TAAR9: variants seen among roughly 807,000 people sequenced by gnomAD.
TAAR9 encodes the protein trace amine associated receptor 9, also known as trace amine-associated receptor 9.
For synonymous variants in TAAR9, 162 were observed against 152.6 expected (o/e 1.06, Z -0.45); for missense variants, 453 against 409.4 (o/e 1.11, Z -0.92).
At position 132,538,960 on chromosome 6, in the gene TAAR9, C is replaced by T. The variant is rs558339339; in HGVS notation, c.671C>T (p.Ala224Val). The T allele has an allele frequency of 1.3e-5, 20 of 1,549,718 alleles. No homozygotes were observed. In the African/African-American group the frequency reaches 2.1e-4, roughly 16 times the overall value. Reference sequence around the variant, plus strand: ...ATATACAGTAAGATATTTTTGGTGGCCAAGCATCAGGCTAGGAAGATAGAA... The same window carrying T: ...ATATACAGTAAGATATTTTTGGTGGTCAAGCATCAGGCTAGGAAGATAGAA... The change falls in exon 1 of 1, where the codon GCC becomes GTC. Residue 224 changes from alanine (A) to valine (V), a missense_variant. Transcript: ENST00000434551.
At chr6:132,538,706 C>A (rs771182878) in exon 1 of TAAR9, 2 of 1,613,666 alleles carry the variant, frequency 1.2e-6, no homozygotes, top group Non-Finnish European at 1.7e-6. Flanking sequence ...ATCCTCTGAC[C>A]TATCCAACCA....
chr6:132,538,495 T>C, exon 1 of TAAR9: 1 of 1,613,174 alleles, frequency 6.2e-7, no homozygotes, highest in South Asian at 1.1e-5. Context: ...CCTACAAACT[T>C]TCTGATTGCG....
At chr6:132,538,557 A>G (rs767311404) in exon 1 of TAAR9, 1 of 1,604,522 alleles carries the variant, frequency 6.2e-7, no homozygotes, top group African/African-American at 1.3e-5. Flanking sequence ...GCCCTTCAGC[A>G]CAGTGAGGTC....
In TAAR9 at chr6:132,538,678, G is replaced by A. The variant is rs182775189; in HGVS notation, c.389G>A (p.Arg130Lys). ...CATTTATGCTGTATCTCTGTTGATA[G>A]ATACATTGCTGTTACTGATCCTCTG... Residue 130 changes from arginine to lysine, a missense_variant, in exon 1 of 1, where the codon AGA becomes AAA. Coordinates refer to ENST00000434551, the Ensembl canonical transcript of TAAR9. The A allele has an allele frequency of 1.9e-6, 3 of 1,611,802 alleles. No homozygotes were observed. In the Admixed American group the frequency reaches 5.0e-5, roughly 27 times the overall value.
Position 132,538,555 on chromosome 6 carries a change from GC to G in TAAR9, c.267del (p.Ser89ArgfsTer3). ...GTGGGAGTCACTGTGATGCCCTTCA[GC>G]ACAGTGAGGTCTGTGGAGAGCTGTT... On this transcript the variant is annotated frameshift_variant, in exon 1 of 1. Coordinates refer to ENST00000434551, the Ensembl canonical transcript of TAAR9. LOFTEE classifies it low-confidence loss of function (END_TRUNC). 1 of 1,603,006 alleles carries G rather than the reference GC, an allele frequency of 6.2e-7. No homozygotes were observed.
chr6:132,538,827 T>A (rs1776256179), exon 1 of TAAR9: 10 of 1,613,782 alleles, frequency 6.2e-6, no homozygotes, highest in Non-Finnish European at 8.5e-6. Flanking sequence ...AATTGAGGAA[T>A]TAGTAGTTGC....
chr6:132,538,899 C>T (rs1776257243), exon 1 of TAAR9: 1 of 1,605,880 alleles, frequency 6.2e-7, no homozygotes. Flanking sequence ...ACTTTGTTTT[C>T]TTCTATTCTT....
At chr6:132,538,850 A>G (rs1251981012) in exon 1 of TAAR9, 1 of 1,613,570 alleles carries the variant, frequency 6.2e-7, no homozygotes, top group African/African-American at 1.3e-5. Flanking sequence ...TAACCTGTGT[A>G]GGAGGCTGCC....
At chr6:132,538,522 A>G (rs1055243402) in exon 1 of TAAR9, 12 of 1,608,926 alleles carry the variant, frequency 7.5e-6, no homozygotes, top group Middle Eastern at 1.7e-4. Flanking sequence ...GCCTGTGCTG[A>G]CTTCTTGGTG....
exon 1 of TAAR9, chr6:132,538,346 C>T (rs1317688216): frequency 1.9e-6 from 3 of 1,613,226 alleles, no homozygotes; most frequent in Non-Finnish European, 2.5e-6. Context: ...AGAACGTGAA[C>T]GAATCCTGCA....
rs1776257680 is a variant in TAAR9, at chr6:132,538,924, C to T, written c.635C>T (p.Ala212Val). The T allele has an allele frequency of 4.4e-6, 7 of 1,589,488 alleles. No individual in the cohort carries two copies. The East Asian group carries it at 1.6e-4, about 35-fold the overall frequency. ...CTTCTATTCTTTATACCCAATGTCG[C>T]CATGGTGTTTATATACAGTAAGATA... Residue 212 changes from alanine (A) to valine (V), a missense_variant, in exon 1 of 1, where the codon GCC becomes GTC. Ala to Val is a moderately conservative substitution (Grantham distance 64). Coordinates refer to ENST00000434551, the Ensembl canonical transcript of TAAR9.
exon 1 of TAAR9, chr6:132,538,649 A>C (rs1285285287): frequency 6.3e-7 from 1 of 1,598,588 alleles, no homozygotes; most frequent in Non-Finnish European, 8.5e-7. Flanking sequence ...TTGCTTCTTT[A>C]TTTCATTTAT....
chr6:132,538,306 C>T (rs1776247062), exon 1 of TAAR9: 1 of 1,591,688 alleles, frequency 6.3e-7, no homozygotes. Context: ...AACAATTTCT[C>T]CCAAGCTGAG....
At chr6:132,538,631 C>A in exon 1 of TAAR9, 4 of 1,594,556 alleles carry the variant, frequency 2.5e-6, no homozygotes, top group Non-Finnish European at 3.4e-6. Context: ...TTGACACATC[C>A]TTCTGTTTTG....
rs756323699 is a variant in TAAR9, at chr6:132,539,071, G to A, written c.782G>A (p.Gly261Glu). 3.9e-6 allele frequency: 6 copies of A among 1,532,522 alleles called. No individual in the cohort carries two copies. In the South Asian group the frequency reaches 7.9e-5, roughly 20 times the overall value. 94.9% of individuals were successfully genotyped at this position (1,532,522 alleles called of 1,614,324 possible). A position where few individuals can be genotyped will look rare whatever the true frequency, so the allele number is the denominator to read the frequency against. Residue 261 changes from glycine to glutamate, a missense_variant, in exon 1 of 1, where the codon GGA becomes GAA. By Grantham distance (98) the Gly-to-Glu change is moderately conservative. Transcript: ENST00000434551. ...GAGAGAAAGGCTGCCAAAACCTTGG[G>A]AATTGCTATGGCAGCATTTCTTGTC...
exon 1 of TAAR9, chr6:132,538,674 G>C (rs1295776033): frequency 1.2e-6 from 2 of 1,611,504 alleles, no homozygotes; most frequent in Non-Finnish European, 8.5e-7. Flanking sequence ...TATCTCTGTT[G>C]ATAGATACAT....
Position 132,538,900 on chromosome 6 carries a change from T to C in TAAR9, c.611T>C (p.Leu204Pro). The change falls in exon 1 of 1, where the codon CTT becomes CCT. Residue 204 changes from leucine (L) to proline (P), a missense_variant. Physicochemically the swap from Leu to Pro is moderately conservative, Grantham distance 98 (BLOSUM62 -3). Coordinates refer to ENST00000434551, the Ensembl canonical transcript of TAAR9. The stretch of plus-strand genomic sequence containing the variant: ...CAAAACTGGGTCCTACTTTGTTTTC[T>C]TCTATTCTTTATACCCAATGTCGCC... The C allele has an allele frequency of 1.2e-6, 2 of 1,606,060 alleles. No homozygotes were observed. The highest frequency in any genetic ancestry group is 1.7e-4 in the Middle Eastern group (1 of 5,998).
exon 1 of TAAR9, chr6:132,538,868 A>C: frequency 6.2e-7 from 1 of 1,613,150 alleles, no homozygotes; most frequent in Non-Finnish European, 8.5e-7. Flanking sequence ...GCCAGGCTCC[A>C]CTGAATCAAA....
chr6:132,538,555 G>A (rs1379827091), exon 1 of TAAR9: 1 of 1,603,006 alleles, frequency 6.2e-7, no homozygotes. Context: ...ATGCCCTTCA[G>A]CACAGTGAGG....
Sources: allele counts gnomAD v4.1 joint callset, GRCh38; gene constraint gnomAD v4.1.1; transcripts MANE v1.5; gene names NCBI Gene and HGNC (gene_info 2026-07-23, HGNC 2026-07-21).